The following MAP7 variants were observed in gnomAD, a reference collection of about 807,000 sequenced individuals.
MAP7 encodes ensconsin.
A neutral mutation model predicts 94.8 loss-of-function variants in MAP7; 52 were observed. The observed-to-expected ratio is 0.55, with a 90% CI of 0.44 to 0.69. MAP7 has a LOEUF of 0.69. MAP7 is among the 30% of genes least tolerant of loss of function. The pLI is 0.00. For synonymous variants in MAP7, 350 were observed against 357.0 expected, an observed-to-expected ratio of 0.98 and a Z score of 0.22; for missense variants, 940 against 964.6, an observed-to-expected ratio of 0.97 and a Z score of 0.34.
At chr6:136,524,216 C>T (rs1827210500) in intron 1 of MAP7, among the ~76,000 whole-genome samples, 1 of 151,956 alleles carries the variant, frequency 6.6e-6, no homozygotes, top group Non-Finnish European at 1.5e-5. Context: ...TGCACTCCAG[C>T]CTGGGCAACA....
intron 5 of MAP7, among the ~76,000 whole-genome samples, chr6:136,384,459 A>G (rs1778626006): frequency 6.6e-6 from 1 of 151,870 alleles, no homozygotes; most frequent in Non-Finnish European, 1.5e-5. Context: ...GAACAATAGC[A>G]TTGTTCATCC....
intron 8 of MAP7, among the ~76,000 whole-genome samples, chr6:136,369,391 T>C (rs1020805850): frequency 1.3e-5 from 2 of 152,156 alleles, no homozygotes; most frequent in Non-Finnish European, 2.9e-5. Context: ...CTGGCCTACA[T>C]GGCGAAACCC....
At position 136,361,048 on chromosome 6, in the gene MAP7, C is replaced by G. The variant is rs769620147; in HGVS notation, c.1658G>C (p.Arg553Pro). 1.2e-5 allele frequency: 19 copies of G among 1,588,934 alleles called. No homozygotes were observed. In the South Asian group the frequency reaches 1.8e-4, roughly 15 times the overall value. The change falls in exon 12 of 18, where the codon CGG becomes CCG. Residue 553 changes from arginine (R) to proline (P), a missense_variant. Transcript: ENST00000354570. ...EEQLQRQAEE[R>P]ALREREEAER... is the part of the protein sequence containing the mutation. ...TGCCTCCTCCCGCTCGCGCAGCGCC[C>G]GCTCCTCCGCCTGCCGCTGCAGCTG...
chr6:136,357,782 C>A (rs1328264990), intron 15 of MAP7, among the ~76,000 whole-genome samples: 1 of 152,196 alleles, frequency 6.6e-6, no homozygotes, highest in Non-Finnish European at 1.5e-5. Flanking sequence ...CATGAGCTAC[C>A]TCACCTGGTC....
In MAP7 at chr6:136,353,900, C is replaced by T. The variant is rs1789983236; in HGVS notation, c.2015+2792G>A. ...AAAGCATTTAGGTGGCTACTGCAAA[C>T]ATCCAGGGACTTGGTCAGTGGGGGT... On this transcript the variant is annotated intron_variant, in intron 16 of 17. Coordinates refer to ENST00000354570, the MANE Select transcript of MAP7 (RefSeq NM_003980.6). Among the ~76,000 whole-genome samples the T allele has an allele frequency of 3.9e-5, 6 of 152,030 alleles. No individual in the cohort carries two copies. In the South Asian group the frequency reaches 1.2e-3, roughly 32 times the overall value.
intron 10 of MAP7, among the ~76,000 whole-genome samples, chr6:136,363,252 C>T (rs1339663821): frequency 1.3e-5 from 2 of 152,202 alleles, no homozygotes; most frequent in African/African-American, 2.4e-5. Context: ...GCTCATTCTG[C>T]TTATATATCC....
intron 3 of MAP7, among the ~76,000 whole-genome samples, chr6:136,390,236 G>A (rs1210856020): frequency 2.0e-5 from 3 of 151,964 alleles, no homozygotes; most frequent in Non-Finnish European, 4.4e-5. Context: ...TTCCTTCAGC[G>A]GTAATAACTA....
intron 6 of MAP7, among the ~76,000 whole-genome samples, chr6:136,378,915 C>T (rs893473038): frequency 6.6e-6 from 1 of 152,140 alleles, no homozygotes; most frequent in Non-Finnish European, 1.5e-5. Flanking sequence ...TTGTTTAAGA[C>T]AGGGATCTTG....
intron 1 of MAP7, among the ~76,000 whole-genome samples, chr6:136,432,597 G>A (rs1326091505): frequency 1.3e-5 from 2 of 152,198 alleles, no homozygotes; most frequent in Non-Finnish European, 2.9e-5. Context: ...TAATTCCTGA[G>A]CCACAATTCT....
intron 1 of MAP7, chr6:136,526,276 C>T (rs1050248456): frequency 4.2e-5 from 44 of 1,055,060 alleles, no homozygotes; most frequent in African/African-American, 6.1e-5. Flanking sequence ...TACACGCGCG[C>T]GCACACACAC....
intron 1 of MAP7, among the ~76,000 whole-genome samples, chr6:136,487,058 T>C (rs1214291696): frequency 6.6e-6 from 1 of 152,108 alleles, no homozygotes; most frequent in Non-Finnish European, 1.5e-5. Flanking sequence ...AAACCACCTA[T>C]GGAAGGGGCA....
intron 1 of MAP7, among the ~76,000 whole-genome samples, chr6:136,539,134 C>T (rs1829114876): frequency 6.6e-6 from 1 of 152,224 alleles, no homozygotes; most frequent in African/African-American, 2.4e-5. Context: ...TACTAATCTT[C>T]AGTAATCATG....
intron 1 of MAP7, among the ~76,000 whole-genome samples, chr6:136,438,527 T>A (rs550041944): frequency 6.6e-6 from 1 of 152,156 alleles, no homozygotes; most frequent in South Asian, 2.1e-4. Context: ...ACTTGTTTTT[T>A]TCTGATGAGA....
At chr6:136,388,793 TG>T (rs1248324986) in intron 4 of MAP7, among the ~76,000 whole-genome samples, 2 of 152,174 alleles carry the variant, frequency 1.3e-5, no homozygotes, top group African/African-American at 4.8e-5. Context: ...CACGTAAGCA[TG>T]GTAGTGCAGA....
chr6:136,421,779 G>C lies in MAP7; in HGVS notation c.88C>G (p.Gln30Glu). The C allele has an allele frequency of 6.2e-7, 1 of 1,612,352 alleles. No homozygotes were observed. The highest frequency in any genetic ancestry group is 8.5e-7 in the Non-Finnish European group (1 of 1,179,494). ...CGGCTGGAGGCATTTTTCTTATCTT[G>C]CACTTTGTAGCTGTCGGGTGCTACA... ...SETAPDSYKVQDKKNASSRPA... is the reference protein window; with the variant it reads ...SETAPDSYKVEDKKNASSRPA... The change falls in exon 2 of 18, where the codon CAA becomes GAA. Residue 30 changes from glutamine to glutamate, a missense_variant. Gln to Glu is a conservative substitution (Grantham distance 29). Transcript: ENST00000354570.
chr6:136,391,775 A>T (rs1256325810), intron 3 of MAP7, among the ~76,000 whole-genome samples: 2 of 152,200 alleles, frequency 1.3e-5, no homozygotes, highest in Admixed American at 1.3e-4. Context: ...GAGAAGTAGA[A>T]CATAATTCTG....
At chr6:136,350,446 TTTTTAA>T (rs1164262040) in intron 16 of MAP7, among the ~76,000 whole-genome samples, 1 of 152,238 alleles carries the variant, frequency 6.6e-6, no homozygotes, top group East Asian at 1.9e-4. Flanking sequence ...TCATTTAAAG[TTTTTAA>T]CAGAATTTCA....
At chr6:136,468,532 C>T (rs1807900928) in intron 1 of MAP7, among the ~76,000 whole-genome samples, 1 of 152,176 alleles carries the variant, frequency 6.6e-6, no homozygotes, top group African/African-American at 2.4e-5. Flanking sequence ...ATTTAATACA[C>T]CTACTGAATA....
intron 1 of MAP7, among the ~76,000 whole-genome samples, chr6:136,535,735 ATCTTTTTTTT>A (rs1346942627): frequency 2.7e-5 from 4 of 149,956 alleles, no homozygotes; most frequent in Non-Finnish European, 4.4e-5. Flanking sequence ...AGTATTTGTC[ATCTTTTTTTT>A]TCTTTTTTTT....
Sources: gnomAD v4.1 joint callset for allele counts (sites outside exome capture counted in the v4.1 genomes callset) on GRCh38, gnomAD v4.1.1 for gene constraint, MANE v1.5 for transcripts, NCBI Gene and HGNC (gene_info 2026-07-23, HGNC 2026-07-21) for gene names.